LIPN: variants seen among roughly 807,000 people sequenced by gnomAD.
LIPN encodes the protein lipase member N.
A neutral mutation model predicts 43.7 loss-of-function variants in LIPN; 32 were observed. That is an observed-to-expected ratio of 0.73 (90% confidence interval 0.55 to 0.98). The LOEUF (loss-of-function observed/expected upper bound fraction) is 0.98, where lower values mean the gene tolerates loss of function less well. Ranked by LOEUF, LIPN falls within the 50% of genes least tolerant of loss-of-function variation. The pLI, the probability that LIPN is intolerant of heterozygous loss-of-function variation, is 0.00. For synonymous variants in LIPN, 156 were observed against 157.6 expected (o/e 0.99, Z 0.08); for missense variants, 505 against 483.8 (o/e 1.04, Z -0.41).
chr10:88,758,670 G>A (rs1264652683), upstream of LIPN, among the ~76,000 whole-genome samples: 3 of 151,432 alleles, frequency 2.0e-5, no homozygotes, highest in Non-Finnish European at 2.9e-5. Context: ...GAGTGATGGA[G>A]CATTGTGAGA....
In LIPN at chr10:88,760,068, T is replaced by C. The variant is rs1842973568; in HGVS notation, c.-47T>C. ...CAAAAGTTCAGAAGTTCCTCATCAA[T>C]AAGGAGTCCTTGTGAGCAGGTGAAG... is the stretch of plus-strand genomic sequence containing the variant. On this transcript the variant is annotated 5_prime_UTR_variant, in exon 1 of 10. Coordinates refer to ENST00000404459, the MANE Select transcript of LIPN (RefSeq NM_001102469.2). Among the ~76,000 whole-genome samples the C allele has an allele frequency of 6.6e-6, 1 of 152,072 alleles. No homozygotes were observed. Among genetic ancestry groups the C allele is most frequent in the African/African-American group, 2.4e-5 (1 of 41,424 alleles).
intron 5 of LIPN, among the ~76,000 whole-genome samples, chr10:88,767,290 A>T (rs1175642814): frequency 6.6e-6 from 1 of 151,892 alleles, no homozygotes; most frequent in East Asian, 1.9e-4. Flanking sequence ...GGCAGTTAGC[A>T]TCAGTCAGCA....
At chr10:88,773,084 A>G (rs750409096) in intron 7 of LIPN, among the ~76,000 whole-genome samples, 5 of 151,892 alleles carry the variant, frequency 3.3e-5, no homozygotes, top group Non-Finnish European at 7.4e-5. Flanking sequence ...ATCCAAAACA[A>G]TCTACAGATT....
chr10:88,760,834 C>T (rs532839824), intron 1 of LIPN, among the ~76,000 whole-genome samples: 10 of 152,208 alleles, frequency 6.6e-5, no homozygotes, highest in African/African-American at 2.2e-4. Flanking sequence ...GTTGGTCTAC[C>T]TTTGAATAGA....
At chr10:88,764,717 G>A in intron 4 of LIPN, 109 bp downstream of exon 4, 2 of 727,162 alleles carry the variant, frequency 2.8e-6, no homozygotes, top group East Asian at 2.9e-5. Context: ...ATAGCTCCTT[G>A]TAGTTTCTGT....
rs190150076 is a variant in LIPN, at chr10:88,774,600, A to G, written c.891+56A>G. The stretch of plus-strand genomic sequence containing the variant: ...ATCCTTATTTTCAATATATTTAAAA[A>G]GACAGAATTGACCCTGTTAACAGGC... On this transcript the variant is annotated intron_variant, in intron 8 of 9. Transcript: ENST00000404459. 74 of 1,432,486 alleles carry G rather than the reference A, an allele frequency of 5.2e-5. No homozygotes were observed. The East Asian group carries it at 1.3e-3, about 25-fold the overall frequency. 88.7% of individuals were successfully genotyped at this position (1,432,486 alleles called of 1,614,324 possible).
chr10:88,774,624 G>T lies in LIPN; in HGVS notation c.891+80G>T, dbSNP rs773211004. The T allele has an allele frequency of 7.5e-5, 88 of 1,167,390 alleles. No individual in the cohort carries two copies. The Middle Eastern group carries it at 1.1e-3, about 14-fold the overall frequency. 72.3% of individuals were successfully genotyped at this position (1,167,390 alleles called of 1,614,324 possible). ...AAGACAGAATTGACCCTGTTAACAG[G>T]CCTACCCTAAGAATCTTAAGAGCTT... On this transcript the variant is annotated intron_variant, in intron 8 of 9. Transcript: ENST00000404459.
At chr10:88,774,669 T>A in intron 8 of LIPN, 125 bp downstream of exon 8, 1 of 755,604 alleles carries the variant, frequency 1.3e-6, no homozygotes, top group Non-Finnish European at 2.3e-6. Context: ...TTGTCCTTGC[T>A]GCCTTCTGTA....
At chr10:88,759,262 T>G (rs529841748), upstream of LIPN, among the ~76,000 whole-genome samples, 51 of 152,242 alleles carry the variant, frequency 3.3e-4, 1 homozygote, top group African/African-American at 1.1e-3. Flanking sequence ...AACTGAAACT[T>G]CTATATTATG....
Position 88,770,961 on chromosome 10 carries a change from G to A in LIPN, c.789G>A (p.Trp263Ter), listed in dbSNP as rs758602049. The change falls in exon 7 of 10, where the codon TGG (tryptophan) becomes TGA (stop). Residue 263 changes from tryptophan (W) to a stop codon, truncating the protein, a stop_gained. Coordinates refer to ENST00000404459, the MANE Select transcript of LIPN (RefSeq NM_001102469.2). LOFTEE classifies it high-confidence loss of function. ...TATGTAGCGAATTTATGTCCTTATG[G>A]GCTGGATCCAACAAGAAAAATATGA... is the stretch of plus-strand genomic sequence containing the variant. ...WLICSEFMSL[W>*]AGSNKKNMNQ... 6.4e-7 allele frequency: 1 copy of A among 1,571,824 alleles called. No homozygotes were observed. The highest frequency in any genetic ancestry group is 1.2e-5 in the South Asian group (1 of 85,388).
intron 4 of LIPN, among the ~76,000 whole-genome samples, chr10:88,765,331 G>C (rs1384700580): frequency 6.6e-6 from 1 of 151,958 alleles, no homozygotes; most frequent in Non-Finnish European, 1.5e-5. Context: ...TGCTAGAACA[G>C]AGTGTGTATT....
chr10:88,775,057 C>T lies in LIPN; in HGVS notation c.892-35C>T, dbSNP rs1339781. The T allele has an allele frequency of 6.4e-3, 9,001 of 1,405,370 alleles. 307 individuals are homozygous for T. In the Admixed American group the frequency reaches 0.074, roughly 12 times the overall value. The allele number at this position is 1,405,370 out of a possible 1,614,324, so 87.1% of individuals were successfully genotyped here. A position where few individuals can be genotyped will look rare whatever the true frequency, so the allele number is the denominator to read the frequency against. On this transcript the variant is annotated intron_variant, in intron 8 of 9. Coordinates refer to ENST00000404459, the MANE Select transcript of LIPN (RefSeq NM_001102469.2). Reference sequence around the variant, plus strand: ...GCTGTTAGCTTTCATGATTCTTACCCTAACTATTCTTTTTCTAAAAAACAT... The same window carrying T: ...GCTGTTAGCTTTCATGATTCTTACCTTAACTATTCTTTTTCTAAAAAACAT...
At chr10:88,768,995 A>C (rs1393166497) in intron 6 of LIPN, 67 bp downstream of exon 6, 5 of 1,437,902 alleles carry the variant, frequency 3.5e-6, no homozygotes, top group Non-Finnish European at 4.8e-6. Context: ...ATTATTTTCA[A>C]ATCTACTGTA....
rs966886622 is a variant in LIPN, at chr10:88,778,972, AG to A, written c.*734del. Among the ~76,000 whole-genome samples, 11 of 152,074 alleles carry A rather than the reference AG, an allele frequency of 7.2e-5. No individual in the cohort carries two copies. Among genetic ancestry groups the A allele is most frequent in the African/African-American group, 2.7e-4 (11 of 41,430 alleles). ...CCCTTTACAGGCTTTTTGTTCTTTG[AG>A]GGGTTTGAACATTCCATGAAAAACT... On this transcript the variant is annotated 3_prime_UTR_variant, in exon 10 of 10. Transcript: ENST00000404459.
chr10:88,759,584 G>A (rs1249756331), upstream of LIPN, among the ~76,000 whole-genome samples: 1 of 152,094 alleles, frequency 6.6e-6, no homozygotes, highest in Non-Finnish European at 1.5e-5. Context: ...GGATTTAGGA[G>A]TCAGGGTTGC....
chr10:88,766,423 T>C, intron 5 of LIPN, 45 bp downstream of exon 5: 1 of 1,145,616 alleles, frequency 8.7e-7, no homozygotes, highest in Non-Finnish European at 1.3e-6. Flanking sequence ...TGAGGGTCAG[T>C]TTTCTCAGAG....
At chr10:88,765,569 G>T (rs538428601) in intron 4 of LIPN, among the ~76,000 whole-genome samples, 1 of 151,804 alleles carries the variant, frequency 6.6e-6, no homozygotes, top group Non-Finnish European at 1.5e-5. Flanking sequence ...TGGAATACTT[G>T]ATTTGACTAA....
Position 88,778,249 on chromosome 10 carries a change from T to G in LIPN, c.*7T>G. On this transcript the variant is annotated 3_prime_UTR_variant, in exon 10 of 10. Transcript: ENST00000404459. Reference sequence around the variant, plus strand: ...AATGAAGGCATATTCCTAAATGCAATGCATTTACTTTTCAATTAAAAGTTG... The same window carrying G: ...AATGAAGGCATATTCCTAAATGCAAGGCATTTACTTTTCAATTAAAAGTTG... 1 of 1,584,920 alleles carries G rather than the reference T, an allele frequency of 6.3e-7. No individual in the cohort carries two copies. The highest frequency in any genetic ancestry group is 8.6e-7 in the Non-Finnish European group (1 of 1,161,886).
upstream of LIPN, among the ~76,000 whole-genome samples, chr10:88,758,364 TAA>T (rs11369310): frequency 2.1e-5 from 3 of 141,336 alleles, no homozygotes; most frequent in Non-Finnish European, 3.1e-5. Context: ...CTAATTTTAT[TAA>T]AAAAAAAAAA....
Sources: gnomAD v4.1 joint callset for allele counts (sites outside exome capture counted in the v4.1 genomes callset) on GRCh38, gnomAD v4.1.1 for gene constraint, MANE v1.5 for transcripts, NCBI Gene and HGNC (gene_info 2026-07-23, HGNC 2026-07-21) for gene names.